The following GAGE10 variants were observed in gnomAD, a reference collection of about 807,000 sequenced individuals.
The protein encoded by GAGE10 is G antigen 10.
Under a neutral mutation model 11.5 loss-of-function variants are expected in GAGE10, and 9 were observed. The ratio of observed to expected loss-of-function variants is 0.78; its 90% CI spans 0.47 to 1.37. The LOEUF (loss-of-function observed/expected upper bound fraction) is 1.37. GAGE10 is among the 40% of genes most tolerant of loss of function. The pLI is 0.00. For synonymous variants in GAGE10, 23 were observed against 29.7 expected (o/e 0.77, Z 0.73); for missense variants, 83 against 92.9 (o/e 0.89, Z 0.44).
intron 4 of GAGE10, 102 bp downstream of exon 4, chrX:49,317,390 C>G (rs1319163397): frequency 2.8e-6 from 3 of 1,086,116 alleles, no homozygotes; most frequent in African/African-American, 1.8e-5. Flanking sequence ...CTCTGTCCAC[C>G]AGGCTGGAGT....
intron 3 of GAGE10, among the ~76,000 whole-genome samples, chrX:49,315,864 C>G (rs2066389947): frequency 9.0e-6 from 1 of 111,398 alleles, no homozygotes; most frequent in South Asian, 3.8e-4. Context: ...TTTATTTTAC[C>G]CCTGATTATT....
rs1183539558 is a variant in GAGE10 at position 49,317,184 on chromosome X, G to A, written c.224G>A (p.Ser75Asn). ...AGQGPKPEADSQEQVHPKTGC... is the reference protein window; with the variant it reads ...AGQGPKPEADNQEQVHPKTGC... Reference sequence around the variant, plus strand: ...TAATGGCCGAAGCCTGAAGCTGATAGCCAGGAACAGGTTCACCCAAAGACT... The same window carrying A: ...TAATGGCCGAAGCCTGAAGCTGATAACCAGGAACAGGTTCACCCAAAGACT... The change falls in exon 4 of 5, where the codon AGC (serine) becomes AAC (asparagine). Residue 75 changes from serine to asparagine, a missense_variant. Physicochemically the swap from Ser to Asn is conservative, Grantham distance 46 (BLOSUM62 1). This residue lies in a region of GAGE10 where 66 missense variants were observed against 35.4 expected (regional missense o/e 1.87). Transcript: ENST00000407599. 2 of 1,205,845 alleles carry A rather than the reference G, an allele frequency of 1.7e-6. No homozygotes were observed. Among genetic ancestry groups the A allele is most frequent in the Non-Finnish European group, 1.1e-6 (1 of 891,784 alleles).
intron 3 of GAGE10, among the ~76,000 whole-genome samples, chrX:49,310,608 G>A (rs1414229577): frequency 9.0e-6 from 1 of 111,480 alleles, no homozygotes; most frequent in Non-Finnish European, 1.9e-5. Context: ...TTAGCGGGGG[G>A]CCGAGAATTT....
chrX:49,317,050 A>G (rs1557125319), intron 3 of GAGE10, 113 bp from the exon 4 acceptor site: 3 of 908,541 alleles, frequency 3.3e-6, no homozygotes, highest in Non-Finnish European at 4.5e-6. Context: ...CAACATATTT[A>G]TTATTATACT....
At chrX:49,316,499 AC>A (rs1557125242) in intron 3 of GAGE10, among the ~76,000 whole-genome samples, 3 of 110,340 alleles carry the variant, frequency 2.7e-5, no homozygotes, top group Non-Finnish European at 3.8e-5. Flanking sequence ...TTCCTCCTCA[AC>A]CCCTTGGTCT....
In GAGE10 at chrX:49,315,226, C is replaced by T. The variant is rs59575227; in HGVS notation, c.203-1937C>T. On this transcript the variant is annotated intron_variant, in intron 3 of 4. Coordinates refer to ENST00000407599, the MANE Select transcript of GAGE10 (RefSeq NM_001098413.4). ...CAGGGGCGTGTGTGTTAGGAACAAT[C>T]AAGCCATCCTTCTTTCTAATTCCTC... Among the ~76,000 whole-genome samples the T allele has an allele frequency of 7.3e-3, 820 of 112,240 alleles. 7 individuals are homozygous for T. The highest frequency in any genetic ancestry group is 0.024 in the African/African-American group (753 of 30,899).
intron 3 of GAGE10, among the ~76,000 whole-genome samples, chrX:49,306,571 TAA>T (rs1557124177): frequency 3.6e-5 from 4 of 112,289 alleles, no homozygotes; most frequent in African/African-American, 9.7e-5. Flanking sequence ...ATTGTAATTG[TAA>T]CCGAAATCCT....
intron 4 of GAGE10, 140 bp downstream of exon 4, chrX:49,317,428 A>T (rs2094487660): frequency 1.0e-6 from 1 of 978,884 alleles, no homozygotes; most frequent in Non-Finnish European, 1.4e-6. Context: ...GCTCATTGGA[A>T]ATTCCGCCTT....
chrX:49,317,245 G>A lies in GAGE10; in HGVS notation c.285G>A (p.Glu95=). 1 of 1,208,453 alleles carries A rather than the reference G, an allele frequency of 8.3e-7. No individual in the cohort carries two copies. The highest frequency in any genetic ancestry group is 1.7e-5 in the African/African-American group (1 of 57,752). The change falls in exon 4 of 5, where the codon GAG becomes GAA. Residue 95 remains glutamate (E), a synonymous_variant. Coordinates refer to ENST00000407599, the MANE Select transcript of GAGE10 (RefSeq NM_001098413.4). ...CECGDGPDGQ[E]MGLPNPEEVK... ...GTGGAGATGGTCCTGATGGCCAGGA[G>A]ATGGGCCTGCCAAATCCAGAGGAGG...
chrX:49,317,695 T>A (rs1403145713), intron 4 of GAGE10, among the ~76,000 whole-genome samples: 1 of 111,841 alleles, frequency 8.9e-6, no homozygotes, highest in African/African-American at 3.3e-5. Flanking sequence ...GCCTCTTTAG[T>A]AAGAGAGTTC....
At chrX:49,310,642 C>G (rs2066373421) in intron 3 of GAGE10, among the ~76,000 whole-genome samples, 1 of 110,539 alleles carries the variant, frequency 9.0e-6, no homozygotes, top group Non-Finnish European at 1.9e-5. Context: ...AGACCGGGCT[C>G]CATCCTTTTA....
At chrX:49,317,400 T>G in intron 4 of GAGE10, 112 bp downstream of exon 4, 1 of 1,058,175 alleles carries the variant, frequency 9.5e-7, no homozygotes, top group South Asian at 2.1e-5. Context: ...CAGGCTGGAG[T>G]GCAGTGGTGG....
chrX:49,312,688 G>C (rs2147987412), intron 3 of GAGE10, among the ~76,000 whole-genome samples: 1 of 112,726 alleles, frequency 8.9e-6, no homozygotes, highest in Admixed American at 9.3e-5. Context: ...GAAAAAGCTT[G>C]GTTTGGTCAG....
chrX:49,304,302 G>A (rs1470946085), intron 1 of GAGE10, among the ~76,000 whole-genome samples: 1 of 112,812 alleles, frequency 8.9e-6, no homozygotes, highest in Non-Finnish European at 1.9e-5. Flanking sequence ...AGGACTGGGA[G>A]AGGCTGTGCG....
intron 3 of GAGE10, among the ~76,000 whole-genome samples, chrX:49,308,369 G>A (rs1419601471): frequency 2.7e-5 from 3 of 112,391 alleles, no homozygotes; most frequent in Non-Finnish European, 5.6e-5. Flanking sequence ...TATCCAAGGC[G>A]TGCCGTAGGG....
intron 3 of GAGE10, among the ~76,000 whole-genome samples, chrX:49,316,126 C>T (rs1287698525): frequency 1.8e-5 from 2 of 111,773 alleles, no homozygotes; most frequent in Non-Finnish European, 3.8e-5. Flanking sequence ...CCCAACTCCC[C>T]CTGAGGAAGA....
chrX:49,308,681 A>G (rs1401995790), intron 3 of GAGE10, among the ~76,000 whole-genome samples: 2 of 112,000 alleles, frequency 1.8e-5, no homozygotes, highest in Non-Finnish European at 3.8e-5. Context: ...AAAATGGGCC[A>G]ATAGAGTGGC....
Position 49,308,133 on chromosome X carries a change from G to A in GAGE10, c.202+2609G>A, listed in dbSNP as rs185099057. On this transcript the variant is annotated intron_variant, in intron 3 of 4. Transcript: ENST00000407599. ...CAGATCTCCCCCTGCCCCACGAAAT[G>A]CTTAAAAGATAGCTTGACTCTTTGT... 5.5e-3 allele frequency among the ~76,000 whole-genome samples: 615 copies of A among 112,691 alleles called. 1 individual carries two copies. The highest frequency in any genetic ancestry group is 8.3e-3 in the Non-Finnish European group (443 of 53,311).
rs144295486 is a variant in GAGE10, at chrX:49,312,877, C to T, written c.203-4286C>T. On this transcript the variant is annotated intron_variant, in intron 3 of 4. Coordinates refer to ENST00000407599, the MANE Select transcript of GAGE10 (RefSeq NM_001098413.4). Reference sequence around the variant, plus strand: ...TGTGCCACGGCTCTCTGCCATCGCCCATGCTGTTTTTGAACAATGTCTATC... The same window carrying T: ...TGTGCCACGGCTCTCTGCCATCGCCTATGCTGTTTTTGAACAATGTCTATC... Among the ~76,000 whole-genome samples, 730 of 112,490 alleles carry T rather than the reference C, an allele frequency of 6.5e-3. 10 individuals are homozygous for T. The highest frequency in any genetic ancestry group is 0.022 in the African/African-American group (681 of 30,958).
Sources: gnomAD v4.1 joint callset for allele counts (sites outside exome capture counted in the v4.1 genomes callset) on GRCh38, gnomAD v4.1.1 for gene constraint, gnomAD v4.1.1 regional missense constraint, MANE v1.5 for transcripts, NCBI Gene and HGNC (gene_info 2026-07-23, HGNC 2026-07-21) for gene names.